Variants in ATP12A observed in about 807,000 individuals in gnomAD.
The protein encoded by ATP12A is potassium-transporting ATPase alpha chain 2.
A neutral mutation model predicts 111.2 loss-of-function variants in ATP12A; 81 were observed. That is an observed-to-expected ratio of 0.73 (90% CI 0.61 to 0.88). The LOEUF is 0.88. ATP12A is among the 40% of genes least tolerant of loss of function. The pLI, the probability that ATP12A is intolerant of heterozygous loss-of-function variation, is 0.00. For missense variants in ATP12A, 1,196 were observed against 1,313.1 expected (o/e 0.91, Z 1.38); for synonymous variants, 498 against 499.8 (o/e 1.00, Z 0.05).
intron 14 of ATP12A, among the ~76,000 whole-genome samples, chr13:24,705,336 G>A (rs1294245679): frequency 3.9e-5 from 6 of 152,222 alleles, no homozygotes; most frequent in South Asian, 2.1e-4. Flanking sequence ...AAGGTGAGGC[G>A]AAGCTTGACA....
chr13:24,694,402 A>G (rs554499119), intron 10 of ATP12A, 42 bp from the exon 11 acceptor site: 1 of 1,610,232 alleles, frequency 6.2e-7, no homozygotes, highest in African/African-American at 1.3e-5. Flanking sequence ...ATGTTGGTTC[A>G]TTAAATATGT....
At position 24,680,689 on chromosome 13, in the gene ATP12A, C is replaced by T. The variant is rs577014203; in HGVS notation, c.-55C>T. 22 of 1,500,128 alleles carry T rather than the reference C, an allele frequency of 1.5e-5. No individual in the cohort carries two copies. The East Asian group carries it at 6.1e-4, about 41-fold the overall frequency. The allele number at this position is 1,500,128 out of a possible 1,614,324, so 92.9% of individuals were successfully genotyped here. On this transcript the variant is annotated 5_prime_UTR_variant, in exon 1 of 23. Transcript: ENST00000381946. The stretch of plus-strand genomic sequence containing the variant: ...AGGCCCCCCACCGTGCGCTCCGCCG[C>T]TGCGGTCCCGGATCCGCGCTCCACG...
chr13:24,683,215 C>T (rs377423542), intron 2 of ATP12A, among the ~76,000 whole-genome samples: 1 of 152,226 alleles, frequency 6.6e-6, no homozygotes, highest in Non-Finnish European at 1.5e-5. Flanking sequence ...GCCTCAGCTT[C>T]CCAAAGTGCT....
rs1346284130 is a variant in ATP12A at position 24,693,285 on chromosome 13, C to G, written c.1377+389C>G. On this transcript the variant is annotated intron_variant, in intron 10 of 22. Transcript: ENST00000381946. ...CTGTTAACTAGAATATGGCTGCAGACAAAGCTCTAAGGGGTCCTGGAATAT... is the reference window on the plus strand; with the variant it reads ...CTGTTAACTAGAATATGGCTGCAGAGAAAGCTCTAAGGGGTCCTGGAATAT... Among the ~76,000 whole-genome samples the G allele has an allele frequency of 2.0e-5, 3 of 152,082 alleles. No individual in the cohort carries two copies. The East Asian group carries it at 5.8e-4, about 29-fold the overall frequency.
chr13:24,707,939 T>C (rs866701886), intron 17 of ATP12A, among the ~76,000 whole-genome samples: 1 of 151,872 alleles, frequency 6.6e-6, no homozygotes. Context: ...CATGAGTCAC[T>C]GCACCTGAGC....
At chr13:24,702,923 G>A (rs916101423) in intron 14 of ATP12A, among the ~76,000 whole-genome samples, 4 of 152,218 alleles carry the variant, frequency 2.6e-5, no homozygotes, top group African/African-American at 4.8e-5. Context: ...GAGAAGTAAT[G>A]TTCATTAGCT....
chr13:24,704,152 C>T (rs1002636769), intron 14 of ATP12A, among the ~76,000 whole-genome samples: 1 of 152,138 alleles, frequency 6.6e-6, no homozygotes, highest in Non-Finnish European at 1.5e-5. Context: ...CATGTGCCAC[C>T]ACACCCGGCT....
At chr13:24,698,517 C>T in intron 11 of ATP12A, 141 bp from the exon 12 acceptor site, 1 of 955,016 alleles carries the variant, frequency 1.0e-6, no homozygotes, top group Non-Finnish European at 1.5e-6. Flanking sequence ...CTTCGTCTTA[C>T]TTGGCCACAG....
At chr13:24,703,297 C>T (rs1875474581) in intron 14 of ATP12A, among the ~76,000 whole-genome samples, 1 of 152,222 alleles carries the variant, frequency 6.6e-6, no homozygotes, top group Non-Finnish European at 1.5e-5. Flanking sequence ...CGCTGTAATG[C>T]AGTGGTGTGA....
Position 24,709,837 on chromosome 13 carries a change from C to T in ATP12A, c.2763+9C>T, listed in dbSNP as rs114319359. 209 of 1,613,560 alleles carry T rather than the reference C, an allele frequency of 1.3e-4. No individual in the cohort carries two copies. The African/African-American group carries it at 1.5e-3, about 12-fold the overall frequency. ...GCTATGGGCAGGAATGGGTGAGTGG[C>T]GGGAGCCCTGCTGCAGAGTCCACCT... On this transcript the variant is annotated intron_variant, in intron 19 of 22. Coordinates refer to ENST00000381946, the MANE Select transcript of ATP12A (RefSeq NM_001676.7).
intron 3 of ATP12A, among the ~76,000 whole-genome samples, chr13:24,686,264 C>A (rs1482593158): frequency 6.6e-6 from 1 of 151,828 alleles, no homozygotes; most frequent in African/African-American, 2.4e-5. Context: ...CATAGTGAAA[C>A]CCCGTTTCTA....
chr13:24,702,115 TG>T (rs1389308990), intron 14 of ATP12A, 44 bp downstream of exon 14: 2 of 1,612,628 alleles, frequency 1.2e-6, no homozygotes, highest in Non-Finnish European at 8.5e-7. Flanking sequence ...TTTATACCCA[TG>T]GGGCCCCACT....
intron 3 of ATP12A, 87 bp from the exon 4 acceptor site, chr13:24,688,232 A>G: frequency 6.8e-7 from 1 of 1,463,522 alleles, no homozygotes; most frequent in South Asian, 1.4e-5. Flanking sequence ...CCAAGCTGCA[A>G]AAATATGCAG....
chr13:24,681,859 T>A, intron 2 of ATP12A, 139 bp downstream of exon 2: 4 of 1,170,514 alleles, frequency 3.4e-6, no homozygotes, highest in Non-Finnish European at 4.8e-6. Context: ...GTGTGTGGTG[T>A]CTGCGTGGTG....
Position 24,702,081 on chromosome 13 carries a change from G to A in ATP12A, c.2018+10G>A, listed in dbSNP as rs766854158. On this transcript the variant is annotated intron_variant, in intron 14 of 22. Coordinates refer to ENST00000381946, the MANE Select transcript of ATP12A (RefSeq NM_001676.7). ...AGCAAGTTAACAAACGGTAAGCACAGGAGCAGCATAGTAAAAATTCCAGTT... is the reference window on the plus strand; with the variant it reads ...AGCAAGTTAACAAACGGTAAGCACAAGAGCAGCATAGTAAAAATTCCAGTT... 6.2e-7 allele frequency: 1 copy of A among 1,614,190 alleles called. No individual in the cohort carries two copies. The highest frequency in any genetic ancestry group is 8.5e-7 in the Non-Finnish European group (1 of 1,180,018).
chr13:24,690,241 C>T (rs1225337034), intron 5 of ATP12A, 97 bp from the exon 6 acceptor site: 2 of 1,539,488 alleles, frequency 1.3e-6, no homozygotes, highest in Non-Finnish European at 8.7e-7. Context: ...TCAGGAAGTT[C>T]CAAGGCCTCT....
chr13:24,682,597 T>C (rs1196845011), intron 2 of ATP12A, among the ~76,000 whole-genome samples: 1 of 152,174 alleles, frequency 6.6e-6, no homozygotes, highest in Non-Finnish European at 1.5e-5. Context: ...ACTTGCCAGT[T>C]TTCAATTGAT....
chr13:24,707,019 A>G lies in ATP12A; in HGVS notation c.2170-4A>G. 2 of 1,592,346 alleles carry G rather than the reference A, an allele frequency of 1.3e-6. No individual in the cohort carries two copies. Among genetic ancestry groups the G allele is most frequent in the Non-Finnish European group, 1.7e-6 (2 of 1,167,612 alleles). ...CCACTTTCTCCCTGGGTCCCCCGCCATAGGATGCTGTTGTTGCTGTGACCG... is the reference window on the plus strand; with the variant it reads ...CCACTTTCTCCCTGGGTCCCCCGCCGTAGGATGCTGTTGTTGCTGTGACCG... On this transcript the variant is annotated splice_polypyrimidine_tract_variant and splice_region_variant and intron_variant, in intron 15 of 22. Coordinates refer to ENST00000381946, the MANE Select transcript of ATP12A (RefSeq NM_001676.7).
At chr13:24,684,254 A>C (rs74478428) in intron 2 of ATP12A, among the ~76,000 whole-genome samples, 1,813 of 152,296 alleles carry the variant, frequency 0.012, 29 homozygotes, top group African/African-American at 0.042. Context: ...GTATTAGTAG[A>C]AGGGATGAAG....
Sources: allele counts gnomAD v4.1 joint callset (sites outside exome capture counted in the v4.1 genomes callset), GRCh38; gene constraint gnomAD v4.1.1; transcripts MANE v1.5; gene names NCBI Gene and HGNC (gene_info 2026-07-23, HGNC 2026-07-21).